TCF4: variants seen among roughly 807,000 people sequenced by gnomAD.
TCF4 encodes transcription factor 4, also known as SL3-3 enhancer factor 2.
TCF4 carries 3 observed loss-of-function variants against 82.1 expected under a neutral mutation model. That is an observed-to-expected ratio of 0.04 (90% CI 0.02 to 0.09). The LOEUF (loss-of-function observed/expected upper bound fraction) is 0.09. Among genes scored for constraint, TCF4 ranks in the 10% least tolerant of loss-of-function variants. The probability of loss-of-function intolerance (pLI) is 1.00; values close to 1 mark genes in which losing one functional copy is unlikely to be tolerated. For missense variants in TCF4, 518 were observed against 852.7 expected (o/e 0.61, Z 4.89); for synonymous variants, 276 against 309.6 (o/e 0.89, Z 1.14).
At chr18:55,549,450 T>C (rs1230704803) in intron 3 of TCF4, among the ~76,000 whole-genome samples, 2 of 152,234 alleles carry the variant, frequency 1.3e-5, no homozygotes, top group Non-Finnish European at 2.9e-5. Flanking sequence ...ACATACTATA[T>C]AGCTGCACAA....
chr18:55,574,110 G>A (rs185921336), intron 3 of TCF4, among the ~76,000 whole-genome samples: 1 of 152,054 alleles, frequency 6.6e-6, no homozygotes, highest in African/African-American at 2.4e-5. Context: ...GACAACCTCT[G>A]ACACTAAATT....
At chr18:55,422,074 A>AGTGAGAGAATTAT in intron 5 of TCF4, 1 of 563,434 alleles carries the variant, frequency 1.8e-6, no homozygotes, top group Non-Finnish European at 2.2e-6. Flanking sequence ...TAAACCACAA[A>AGTGAGAGAATTAT]GGGAATAGAT....
intron 3 of TCF4, among the ~76,000 whole-genome samples, chr18:55,570,061 C>T (rs1048840515): frequency 6.6e-6 from 1 of 152,026 alleles, no homozygotes; most frequent in Non-Finnish European, 1.5e-5. Context: ...GGTAGCCAAA[C>T]TAACCAAGTA....
chr18:55,595,133 T>G (rs1318583487), intron 2 of TCF4, among the ~76,000 whole-genome samples: 1 of 152,234 alleles, frequency 6.6e-6, no homozygotes, highest in African/African-American at 2.4e-5. Flanking sequence ...AGAAGGAGCC[T>G]TCTCTGAGGC....
At chr18:55,587,399 G>A (rs1364733577) in intron 1 of TCF4, among the ~76,000 whole-genome samples, 5 of 79,526 alleles carry the variant, frequency 6.3e-5, no homozygotes, top group Non-Finnish European at 1.2e-4. Context: ...CCAAAGAGAC[G>A]ATCAAACTGG....
Position 55,227,084 on chromosome 18 carries a change from CT to C in TCF4, c.*950del, listed in dbSNP as rs1257959639. On this transcript the variant is annotated 3_prime_UTR_variant, in exon 20 of 20. Transcript: ENST00000354452. ...CTTGTAATATCTACACATGATGTGA[CT>C]TTTAAGTCCTGTGTTCCCAAAAGAC... 6.6e-6 allele frequency: 1 copy of C among 152,486 alleles called. No homozygotes were observed. Among genetic ancestry groups the C allele is most frequent in the Non-Finnish European group, 1.5e-5 (1 of 68,008 alleles). The allele number at this position is 152,486 out of a possible 1,614,324, so 9.4% of individuals were successfully genotyped here.
rs1002220993 is a variant in TCF4, at chr18:55,513,233, A to T, written c.146-49096T>A. ...AAACTATTCCTTTTACTGGACAGTGATTTCTGCATAATTCCCATGGGTTCT... is the reference window on the plus strand; with the variant it reads ...AAACTATTCCTTTTACTGGACAGTGTTTTCTGCATAATTCCCATGGGTTCT... On this transcript the variant is annotated intron_variant, in intron 3 of 19. Coordinates refer to ENST00000354452, the MANE Select transcript of TCF4 (RefSeq NM_001083962.2). Among the ~76,000 whole-genome samples the T allele has an allele frequency of 4.6e-5, 7 of 152,256 alleles. No homozygotes were observed. In the East Asian group the frequency reaches 1.3e-3, roughly 29 times the overall value.
At chr18:55,569,536 T>C (rs898907998) in intron 3 of TCF4, among the ~76,000 whole-genome samples, 1 of 151,768 alleles carries the variant, frequency 6.6e-6, no homozygotes, top group African/African-American at 2.4e-5. Flanking sequence ...CAGAGTGAGA[T>C]TCCATCTCTA....
At chr18:55,577,844 A>C (rs1409420241) in intron 3 of TCF4, among the ~76,000 whole-genome samples, 1 of 151,920 alleles carries the variant, frequency 6.6e-6, no homozygotes, top group African/African-American at 2.4e-5. Context: ...TCTTTTCCCA[A>C]GGAGCAGAAA....
intron 3 of TCF4, among the ~76,000 whole-genome samples, chr18:55,508,920 C>T (rs1281731016): frequency 3.9e-5 from 6 of 152,110 alleles, no homozygotes; most frequent in Admixed American, 2.0e-4. Flanking sequence ...AAATGTAAAT[C>T]GTATTTTTAT....
At chr18:55,292,696 ATGTG>A (rs35399017) in intron 8 of TCF4, among the ~76,000 whole-genome samples, 4 of 151,070 alleles carry the variant, frequency 2.6e-5, no homozygotes, top group East Asian at 1.9e-4. Context: ...ATAGACATGA[ATGTG>A]TGTGTGTGTG....
At chr18:55,327,331 A>C (rs1258391781) in intron 8 of TCF4, among the ~76,000 whole-genome samples, 5 of 152,020 alleles carry the variant, frequency 3.3e-5, no homozygotes, top group Non-Finnish European at 7.4e-5. Context: ...AAATCATCTC[A>C]ATCTTTTTAG....
intron 4 of TCF4, among the ~76,000 whole-genome samples, chr18:55,461,582 G>C (rs1254696035): frequency 1.3e-5 from 2 of 152,146 alleles, no homozygotes; most frequent in African/African-American, 2.4e-5. Flanking sequence ...GGATACTGAA[G>C]TTTCAATGTT....
chr18:55,463,756 T>C (rs1409416933), intron 4 of TCF4, among the ~76,000 whole-genome samples: 4 of 152,172 alleles, frequency 2.6e-5, no homozygotes, highest in African/African-American at 9.6e-5. Context: ...GATCAATAAC[T>C]GACAAAAGAA....
At chr18:55,351,823 T>C (rs2082382403) in intron 6 of TCF4, 1 of 915,234 alleles carries the variant, frequency 1.1e-6, no homozygotes. Context: ...TTGATTATAC[T>C]CTGCATTGAA....
chr18:55,233,718 C>T (rs73487011), intron 16 of TCF4, among the ~76,000 whole-genome samples: 16,351 of 150,716 alleles, frequency 0.11, 1,009 homozygotes, highest in African/African-American at 0.13. Flanking sequence ...CCCTGGGAGG[C>T]TGAGGCAGGA....
intron 6 of TCF4, among the ~76,000 whole-genome samples, chr18:55,376,960 C>T (rs556177921): frequency 2.6e-5 from 4 of 152,188 alleles, no homozygotes; most frequent in Non-Finnish European, 5.9e-5. Flanking sequence ...CTCTCATTAA[C>T]GTGGCCAGTA....
intron 8 of TCF4, chr18:55,322,120 T>G: frequency 9.7e-7 from 1 of 1,028,904 alleles, no homozygotes; most frequent in African/African-American, 1.7e-5. Flanking sequence ...TTTTTTTTTT[T>G]TTGTTTTGTT....
intron 3 of TCF4, among the ~76,000 whole-genome samples, chr18:55,520,487 A>T (rs1187010081): frequency 6.6e-6 from 1 of 152,204 alleles, no homozygotes; most frequent in African/African-American, 2.4e-5. Flanking sequence ...GCTCCCAAGC[A>T]AAATGTTCGT....
Sources: allele counts gnomAD v4.1 joint callset (sites outside exome capture counted in the v4.1 genomes callset), GRCh38; gene constraint gnomAD v4.1.1; transcripts MANE v1.5; gene names NCBI Gene and HGNC (gene_info 2026-07-23, HGNC 2026-07-21).